Variants in LRRC74A observed in about 807,000 individuals in gnomAD.
The protein encoded by LRRC74A is leucine rich repeat containing 74A.
LRRC74A carries 44 observed loss-of-function variants against 57.9 expected under a neutral mutation model. The ratio of observed to expected loss-of-function variants is 0.76; its 90% CI spans 0.60 to 0.98. The LOEUF is 0.98. Ranked by LOEUF, LRRC74A falls within the 50% of genes least tolerant of loss-of-function variation. The pLI, the probability that LRRC74A is intolerant of heterozygous loss-of-function variation, is 0.00. For missense variants in LRRC74A, 572 were observed against 574.0 expected, an observed-to-expected ratio of 1.00 and a Z score of 0.04; for synonymous variants, 211 against 219.4, an observed-to-expected ratio of 0.96 and a Z score of 0.34.
intron 7 of LRRC74A, among the ~76,000 whole-genome samples, chr14:76,848,713 T>C (rs893149376): frequency 1.3e-5 from 2 of 151,816 alleles, no homozygotes; most frequent in Non-Finnish European, 1.5e-5. Context: ...GGATGGAAAA[T>C]GCTGAGAGGA....
Position 76,867,451 on chromosome 14 carries a change from C to T in LRRC74A, c.1391+13C>T. The T allele has an allele frequency of 6.7e-7, 1 of 1,501,998 alleles. No homozygotes were observed. Among genetic ancestry groups the T allele is most frequent in the Non-Finnish European group, 9.3e-7 (1 of 1,079,548 alleles). The allele number at this position is 1,501,998 out of a possible 1,614,324, so 93.0% of individuals were successfully genotyped here. ...TGGTGAACTTCAGGTCAGCCCAGGC[C>T]CCGCGACGATCCCCGTTCTCTGCAA... On this transcript the variant is annotated intron_variant, in intron 13 of 13. Coordinates refer to ENST00000689127, the MANE Select transcript of LRRC74A (RefSeq NM_001385106.1).
intron 7 of LRRC74A, among the ~76,000 whole-genome samples, chr14:76,846,681 AAGAG>A (rs1897133151): frequency 6.6e-6 from 1 of 152,134 alleles, no homozygotes; most frequent in South Asian, 2.1e-4. Context: ...GAATGGGGGA[AAGAG>A]AGAGATAGAC....
At chr14:76,860,199 T>C (rs1424803657) in intron 10 of LRRC74A, among the ~76,000 whole-genome samples, 1 of 152,196 alleles carries the variant, frequency 6.6e-6, no homozygotes, top group Non-Finnish European at 1.5e-5. Context: ...GATCAAACAC[T>C]ATTTCACAGG....
intron 11 of LRRC74A, among the ~76,000 whole-genome samples, chr14:76,862,951 A>T (rs1011672238): frequency 6.6e-6 from 1 of 152,130 alleles, no homozygotes; most frequent in Non-Finnish European, 1.5e-5. Context: ...AGTGGATGTG[A>T]TGCGAATCCA....
intron 10 of LRRC74A, among the ~76,000 whole-genome samples, chr14:76,860,060 A>G (rs74068891): frequency 6.6e-6 from 1 of 152,218 alleles, no homozygotes; most frequent in African/African-American, 2.4e-5. Flanking sequence ...TGCTCCTAGA[A>G]CTTTCTCTAG....
chr14:76,849,315 C>T (rs72721318), intron 7 of LRRC74A, among the ~76,000 whole-genome samples: 43,375 of 151,062 alleles, frequency 0.29, 6,939 homozygotes, highest in East Asian at 0.51. Context: ...GCCATCACAC[C>T]CAGCTAATTT....
chr14:76,838,689 T>C (rs899574801), intron 5 of LRRC74A, among the ~76,000 whole-genome samples: 2 of 152,224 alleles, frequency 1.3e-5, no homozygotes, highest in African/African-American at 4.8e-5. Context: ...CTTGATTATA[T>C]CTCTGAAAAA....
In LRRC74A at chr14:76,858,294, T is replaced by C. The variant is rs1566739769; in HGVS notation, c.1053+819T>C. ...ATCTGTTCCTGACCTCTCCCCTGGC[T>C]TCTGATGGTTCCTGTCATGCTTTGG... On this transcript the variant is annotated intron_variant, in intron 10 of 13. Coordinates refer to ENST00000689127, the MANE Select transcript of LRRC74A (RefSeq NM_001385106.1). Among the ~76,000 whole-genome samples, 2 of 152,198 alleles carry C rather than the reference T, an allele frequency of 1.3e-5. 1 individual carries two copies. The highest frequency in any genetic ancestry group is 4.8e-5 in the African/African-American group (2 of 41,452).
chr14:76,849,158 T>C (rs778147206), intron 7 of LRRC74A, among the ~76,000 whole-genome samples: 2 of 152,116 alleles, frequency 1.3e-5, no homozygotes, highest in Non-Finnish European at 2.9e-5. Flanking sequence ...CTCTCTCTTT[T>C]GTTTTGTTTT....
intron 13 of LRRC74A, among the ~76,000 whole-genome samples, chr14:76,867,643 G>A (rs1312050020): frequency 1.3e-5 from 2 of 152,202 alleles, no homozygotes; most frequent in Non-Finnish European, 2.9e-5. Flanking sequence ...GCCCAATCAG[G>A]CGCTGCTGGC....
At chr14:76,828,833 G>A in intron 2 of LRRC74A, 2 of 416,618 alleles carry the variant, frequency 4.8e-6, no homozygotes, top group Non-Finnish European at 4.5e-6. Context: ...AGGGACAGCG[G>A]GAGTTTGCCC....
intron 2 of LRRC74A, 120 bp downstream of exon 2, chr14:76,828,539 G>A (rs1270348447): frequency 3.2e-5 from 47 of 1,485,560 alleles, no homozygotes; most frequent in Non-Finnish European, 4.3e-5. Context: ...GGCCTGTGGA[G>A]GAAATGTGGC....
intron 2 of LRRC74A, among the ~76,000 whole-genome samples, chr14:76,830,245 G>T (rs2140254385): frequency 6.6e-6 from 1 of 152,352 alleles, no homozygotes; most frequent in African/African-American, 2.4e-5. Flanking sequence ...TGTTTGGAGG[G>T]GGAGGGGGTT....
intron 1 of LRRC74A, 77 bp downstream of exon 1, chr14:76,826,811 C>G: frequency 1.0e-6 from 1 of 964,210 alleles, no homozygotes. Context: ...TCACAGGACC[C>G]TGAAGCCCAC....
chr14:76,829,658 T>A (rs995366249), intron 2 of LRRC74A, among the ~76,000 whole-genome samples: 2 of 152,166 alleles, frequency 1.3e-5, no homozygotes, highest in African/African-American at 4.8e-5. Flanking sequence ...CCCAGCAGAA[T>A]TAGTCCCAGG....
chr14:76,829,077 C>CCCTCCCAGTT, intron 2 of LRRC74A: 1 of 1,289,412 alleles, frequency 7.8e-7, no homozygotes, highest in Non-Finnish European at 1.0e-6. Flanking sequence ...CCTCCACCCT[C>CCCTCCCAGTT]TCTCTCCTCC....
At chr14:76,850,080 T>C (rs1390301081) in intron 7 of LRRC74A, among the ~76,000 whole-genome samples, 4 of 149,938 alleles carry the variant, frequency 2.7e-5, no homozygotes, top group Non-Finnish European at 4.4e-5. Flanking sequence ...TGGTGGTGGG[T>C]GCCTGTAGCC....
intron 3 of LRRC74A, 93 bp from the exon 4 acceptor site, chr14:76,836,114 G>A (rs759337890): frequency 1.7e-5 from 15 of 875,428 alleles, no homozygotes; most frequent in Admixed American, 4.2e-5. Context: ...GCATCTCCAC[G>A]CCCATTCACA....
chr14:76,841,573 G>T (rs1397013492), intron 5 of LRRC74A, among the ~76,000 whole-genome samples: 1 of 151,992 alleles, frequency 6.6e-6, no homozygotes, highest in Non-Finnish European at 1.5e-5. Context: ...AAAAACACCT[G>T]TTGGGGTTTT....
Sources: allele counts gnomAD v4.1 joint callset (sites outside exome capture counted in the v4.1 genomes callset), GRCh38; gene constraint gnomAD v4.1.1; transcripts MANE v1.5; gene names NCBI Gene and HGNC (gene_info 2026-07-23, HGNC 2026-07-21).